Variants in NINJ2 observed in about 807,000 individuals in gnomAD.
The protein encoded by NINJ2 is ninjurin-2.
Under a neutral mutation model 11.7 loss-of-function variants are expected in NINJ2, and 12 were observed. The ratio of observed to expected loss-of-function variants is 1.02; its 90% CI spans 0.66 to 1.66. The LOEUF is 1.66. NINJ2 is among the 40% of genes most tolerant of loss of function. The probability of loss-of-function intolerance (pLI) is 0.00; values close to 1 mark genes in which losing one functional copy is unlikely to be tolerated. For missense variants in NINJ2, 187 were observed against 181.8 expected, an observed-to-expected ratio of 1.03 and a Z score of -0.16; for synonymous variants, 93 against 76.8, an observed-to-expected ratio of 1.21 and a Z score of -1.10.
chr12:571,920 C>T (rs1292164859), intron 1 of NINJ2, among the ~76,000 whole-genome samples: 2 of 152,292 alleles, frequency 1.3e-5, no homozygotes, highest in African/African-American at 2.4e-5. Context: ...CCATGGAGCC[C>T]GCAGATCAGT....
intron 1 of NINJ2, among the ~76,000 whole-genome samples, chr12:579,598 A>G (rs1592074463): frequency 1.3e-5 from 2 of 152,172 alleles, no homozygotes; most frequent in East Asian, 1.9e-4. Flanking sequence ...TAAAATGCGG[A>G]TTCACCGAGC....
Position 662,735 on chromosome 12 carries a change from G to GC in NINJ2, c.33+592_33+593insG, listed in dbSNP as rs1460860274. On this transcript the variant is annotated intron_variant, in intron 1 of 3. Transcript: ENST00000305108. ...CCTCCAGCAGTGGACTGGAACCTCT[G>GC]ATGCCTTCCAAGCCCATCCCAGCTA... Among the ~76,000 whole-genome samples the GC allele has an allele frequency of 2.0e-5, 3 of 152,266 alleles. No homozygotes were observed. In the South Asian group the frequency reaches 6.2e-4, roughly 32 times the overall value.
intron 1 of NINJ2, among the ~76,000 whole-genome samples, chr12:568,657 A>G (rs1340538824): frequency 6.6e-6 from 1 of 152,110 alleles, no homozygotes; most frequent in Non-Finnish European, 1.5e-5. Flanking sequence ...AGCTTTCTAC[A>G]CGGGGCAGTT....
intron 1 of NINJ2, among the ~76,000 whole-genome samples, chr12:658,529 C>G (rs1937906244): frequency 6.6e-6 from 1 of 152,090 alleles, no homozygotes; most frequent in South Asian, 2.1e-4. Context: ...ATGATTCCAG[C>G]TATGTGACAC....
intron 1 of NINJ2, among the ~76,000 whole-genome samples, chr12:656,814 A>G (rs1349614719): frequency 6.6e-6 from 1 of 152,138 alleles, no homozygotes; most frequent in Non-Finnish European, 1.5e-5. Flanking sequence ...CAAAGAATAG[A>G]CAAATAGATC....
At position 585,660 on chromosome 12, in the gene NINJ2, T is replaced by C. The variant is rs868246114; in HGVS notation, c.34-19482A>G. ...TCGATTAAGCACCCACTGTGTGCAA[T>C]GTCCTGAACTCTGTGCTGAGATGAT... On this transcript the variant is annotated intron_variant, in intron 1 of 3. Transcript: ENST00000305108. This position sits in a 1 kb window ranked among gnomAD's most constrained non-coding sequence, Gnocchi z 4.1. Among the ~76,000 whole-genome samples, 5 of 151,954 alleles carry C rather than the reference T, an allele frequency of 3.3e-5. No homozygotes were observed. The highest frequency in any genetic ancestry group is 5.9e-5 in the Non-Finnish European group (4 of 67,878).
At chr12:631,896 G>A (rs79052876) in intron 1 of NINJ2, among the ~76,000 whole-genome samples, 8,218 of 152,262 alleles carry the variant, frequency 0.054, 271 homozygotes, top group South Asian at 0.14. Flanking sequence ...TTTCTGCAAT[G>A]CTCCTTAGGG....
At chr12:658,953 T>C (rs957693600) in intron 1 of NINJ2, among the ~76,000 whole-genome samples, 5 of 151,402 alleles carry the variant, frequency 3.3e-5, no homozygotes, top group African/African-American at 1.2e-4. Flanking sequence ...ATATGGGAGA[T>C]CTCTGGCCTT....
At chr12:596,435 GTT>G (rs1373741518) in intron 1 of NINJ2, among the ~76,000 whole-genome samples, 8 of 152,192 alleles carry the variant, frequency 5.3e-5, no homozygotes, top group African/African-American at 1.9e-4. Flanking sequence ...GCTGGGGGAT[GTT>G]GATAATGGGG....
intron 1 of NINJ2, among the ~76,000 whole-genome samples, chr12:573,405 T>C (rs563105672): frequency 1.3e-5 from 2 of 152,120 alleles, no homozygotes; most frequent in African/African-American, 2.4e-5. Flanking sequence ...GAGTTTAAGA[T>C]TGAAAGATAA....
intron 1 of NINJ2, among the ~76,000 whole-genome samples, chr12:571,778 G>C (rs1947379874): frequency 6.6e-6 from 1 of 152,198 alleles, no homozygotes. Context: ...TCGACTTTAT[G>C]GTCAGTGGGG....
At chr12:641,083 GA>G (rs1304061227) in intron 1 of NINJ2, 2 of 152,200 alleles carry the variant, frequency 1.3e-5, no homozygotes, top group Non-Finnish European at 1.5e-5. Context: ...TTTATGAGGT[GA>G]AATTATTTGA....
At chr12:612,513 C>T (rs185663216) in intron 1 of NINJ2, among the ~76,000 whole-genome samples, 1 of 152,118 alleles carries the variant, frequency 6.6e-6, no homozygotes, top group South Asian at 2.1e-4. Context: ...TGCTATTCAA[C>T]CTCCACGGAC....
chr12:644,682 C>A (rs1937648449), intron 1 of NINJ2: 1 of 151,990 alleles, frequency 6.6e-6, no homozygotes, highest in Middle Eastern at 3.2e-3. Flanking sequence ...GTATTTGAGA[C>A]CTGAAAAAAA....
intron 1 of NINJ2, among the ~76,000 whole-genome samples, chr12:615,345 T>G (rs1230041280): frequency 6.6e-6 from 1 of 152,118 alleles, no homozygotes; most frequent in Non-Finnish European, 1.5e-5. Context: ...TCCCAGCACT[T>G]TGGGAGGCCG....
intron 1 of NINJ2, among the ~76,000 whole-genome samples, chr12:631,851 GC>G (rs1948286283): frequency 6.6e-6 from 1 of 152,310 alleles, no homozygotes; most frequent in East Asian, 1.9e-4. Flanking sequence ...CTCCTGGAAG[GC>G]TAGATTTAGG....
chr12:657,223 G>T (rs960543435), intron 1 of NINJ2, among the ~76,000 whole-genome samples: 9 of 152,214 alleles, frequency 5.9e-5, no homozygotes, highest in African/African-American at 1.9e-4. Flanking sequence ...CAGACTGGGA[G>T]AAAATATCTG....
rs1948072226 is a variant in NINJ2 at position 614,777 on chromosome 12, GTGTC to G, written c.33+48547_33+48550del. Among the ~76,000 whole-genome samples the G allele has an allele frequency of 6.6e-6, 1 of 152,174 alleles. No homozygotes were observed. Among genetic ancestry groups the G allele is most frequent in the African/African-American group, 2.4e-5 (1 of 41,440 alleles). ...GAGCTGTGTTTGCACCCAGAGCTGA[GTGTC>G]TGTCTAGCTCAGGTTCCCAGAGGCC... On this transcript the variant is annotated intron_variant, in intron 1 of 3. Transcript: ENST00000305108. This position sits in a 1 kb window ranked among gnomAD's most constrained non-coding sequence, Gnocchi z 5.1.
At chr12:570,176 G>T (rs1299990443) in intron 1 of NINJ2, among the ~76,000 whole-genome samples, 1 of 152,260 alleles carries the variant, frequency 6.6e-6, no homozygotes, top group Non-Finnish European at 1.5e-5. Context: ...ACCCAGAAGG[G>T]AGGGGCCTCC....
Sources: allele counts gnomAD v4.1 joint callset (sites outside exome capture counted in the v4.1 genomes callset), GRCh38; gene constraint gnomAD v4.1.1; non-coding constraint Gnocchi (gnomAD v3.1); transcripts MANE v1.5; gene names NCBI Gene and HGNC (gene_info 2026-07-23, HGNC 2026-07-21).